ZNF341: variants seen among roughly 807,000 people sequenced by gnomAD.
ZNF341 encodes zinc finger protein 341.
A neutral mutation model predicts 87.7 loss-of-function variants in ZNF341; 52 were observed. The ratio of observed to expected loss-of-function variants is 0.59; its 90% CI spans 0.47 to 0.75. The LOEUF is 0.75. Ranked by LOEUF, ZNF341 falls within the 30% of genes least tolerant of loss-of-function variation. ZNF341 has a pLI of 0.00. For synonymous variants in ZNF341, 459 were observed against 472.7 expected, an observed-to-expected ratio of 0.97 and a Z score of 0.38; for missense variants, 977 against 1,145.9, an observed-to-expected ratio of 0.85 and a Z score of 2.13.
intron 12 of ZNF341, among the ~76,000 whole-genome samples, chr20:33,784,661 G>T (rs2019817570): frequency 6.6e-6 from 1 of 150,974 alleles, no homozygotes; most frequent in Non-Finnish European, 1.5e-5. Flanking sequence ...TGTTGCCCAG[G>T]CTGGAGTGCG....
intron 1 of ZNF341, among the ~76,000 whole-genome samples, chr20:33,736,176 A>ACCATTTCCTAC (rs1481884148): frequency 6.9e-6 from 1 of 145,182 alleles, no homozygotes; most frequent in African/African-American, 2.5e-5. Context: ...GTTCTTCTGA[A>ACCATTTCCTAC]CCATTTCCTA....
rs778731261 is a variant in ZNF341 at position 33,791,102 on chromosome 20, C to T, written c.2150C>T (p.Ala717Val). 5.6e-6 allele frequency: 9 copies of T among 1,612,978 alleles called. No individual in the cohort carries two copies. Among genetic ancestry groups the T allele is most frequent in the South Asian group, 5.5e-5 (5 of 91,092 alleles). The change falls in exon 15 of 15, where the codon GCC becomes GTC. Residue 717 changes from alanine (A) to valine (V), a missense_variant. Physicochemically the swap from Ala to Val is moderately conservative, Grantham distance 64. This residue lies in a region of ZNF341 where 221 missense variants were observed against 212.7 expected (regional missense o/e 1.04). Transcript: ENST00000375200. Reference protein sequence around the residue: ...GNYKFRCAGCAKGFSRHKYLK... With the variant: ...GNYKFRCAGCVKGFSRHKYLK... ...TACAAGTTCCGCTGTGCTGGCTGCG[C>T]CAAGGGCTTTTCCCGCCACAAATAC...
At chr20:33,734,616 G>C (rs1290461591) in intron 1 of ZNF341, among the ~76,000 whole-genome samples, 2 of 152,156 alleles carry the variant, frequency 1.3e-5, no homozygotes, top group Non-Finnish European at 2.9e-5. Flanking sequence ...AGGGTGCCCT[G>C]GTGCCCTGTT....
chr20:33,765,436 TG>T (rs2019384051), intron 8 of ZNF341, among the ~76,000 whole-genome samples: 1 of 151,366 alleles, frequency 6.6e-6, no homozygotes, highest in Admixed American at 6.6e-5. Flanking sequence ...TGGAGTGCAA[TG>T]GCATGATGGT....
At chr20:33,746,350 C>T (rs1308173319) in intron 3 of ZNF341, among the ~76,000 whole-genome samples, 1 of 151,070 alleles carries the variant, frequency 6.6e-6, no homozygotes, top group Admixed American at 6.6e-5. Flanking sequence ...TCTCCTGCCT[C>T]AGCCTCCAGA....
chr20:33,785,802 G>T (rs1225133950), intron 12 of ZNF341, among the ~76,000 whole-genome samples: 1 of 152,090 alleles, frequency 6.6e-6, no homozygotes, highest in East Asian at 1.9e-4. Context: ...TTGCAAAAAT[G>T]AGCACATACT....
At chr20:33,746,318 C>T (rs1313007480) in intron 3 of ZNF341, among the ~76,000 whole-genome samples, 18 of 148,708 alleles carry the variant, frequency 1.2e-4, no homozygotes, top group Non-Finnish European at 5.9e-5. Flanking sequence ...ACTGCAACCT[C>T]CGCCTCCTGG....
In ZNF341 at chr20:33,788,954, G is replaced by A. The variant is rs753689794; in HGVS notation, c.1944G>A (p.Lys648=). The change falls in exon 13 of 15, where the codon AAG becomes AAA. Residue 648 remains lysine, a synonymous_variant. Coordinates refer to ENST00000375200, the MANE Select transcript of ZNF341 (RefSeq NM_001282933.2). The stretch of plus-strand genomic sequence containing the variant: ...ACATGTTGATCCACGAGCCCTTCAA[G>A]AAATACAAATGCCCTTTCTCGTGAG... ...KRHMLIHEPF[K]KYKCPFSTHT... is the part of the protein sequence containing the mutation. 1 of 1,612,494 alleles carries A rather than the reference G, an allele frequency of 6.2e-7. No homozygotes were observed. The highest frequency in any genetic ancestry group is 1.1e-5 in the South Asian group (1 of 91,068).
At chr20:33,745,423 G>A (rs1283992614) in intron 3 of ZNF341, 124 bp downstream of exon 3, 10 of 941,396 alleles carry the variant, frequency 1.1e-5, no homozygotes, top group Non-Finnish European at 1.4e-5. Flanking sequence ...TGTGGAGTGG[G>A]GCGAGATGGA....
Position 33,758,774 on chromosome 20 carries a change from C to CA in ZNF341, c.1001dup (p.Asn334LysfsTer3), listed in dbSNP as rs1178791189. 1.2e-6 allele frequency: 2 copies of CA among 1,613,842 alleles called. No homozygotes were observed. Among genetic ancestry groups the CA allele is most frequent in the Non-Finnish European group, 1.7e-6 (2 of 1,179,970 alleles). On this transcript the variant is annotated frameshift_variant, in exon 7 of 15. Coordinates refer to ENST00000375200, the MANE Select transcript of ZNF341 (RefSeq NM_001282933.2). LOFTEE classifies it high-confidence loss of function. ...GCTCATACTGTGACAAGTCATTCAC[C>CA]AAAAACTTTGACCTGCAGCAGCACA...
At chr20:33,754,463 G>A (rs1175392446) in intron 5 of ZNF341, among the ~76,000 whole-genome samples, 2 of 152,170 alleles carry the variant, frequency 1.3e-5, no homozygotes, top group African/African-American at 4.8e-5. Flanking sequence ...GTCTCTTTAT[G>A]TAAAGAGAGC....
rs555966050 is a variant in ZNF341 at position 33,788,974 on chromosome 20, C to T, written c.1964C>T (p.Ser655Leu). 6 of 1,609,900 alleles carry T rather than the reference C, an allele frequency of 3.7e-6. No homozygotes were observed. Among genetic ancestry groups the T allele is most frequent in the Middle Eastern group, 1.7e-4 (1 of 6,054 alleles). ...TTCAAGAAATACAAATGCCCTTTCT[C>T]GTGAGTAGAGACTGCCATGCAGGGG... is the stretch of plus-strand genomic sequence containing the variant. Reference protein sequence around the residue: ...EPFKKYKCPFSTHTGCSKEFN... With the variant: ...EPFKKYKCPFLTHTGCSKEFN... The change falls in exon 13 of 15, where the codon TCG becomes TTG. Residue 655 changes from serine (S) to leucine (L), a missense_variant and splice_region_variant. Ser to Leu is a moderately radical substitution (Grantham distance 145, BLOSUM62 -2). This residue lies in a region of ZNF341 where 241 missense variants were observed against 335.0 expected (regional missense o/e 0.72). Coordinates refer to ENST00000375200, the MANE Select transcript of ZNF341 (RefSeq NM_001282933.2).
At position 33,731,996 on chromosome 20, in the gene ZNF341, G is replaced by C; in HGVS notation, c.-26G>C. The stretch of plus-strand genomic sequence containing the variant: ...CTCGCGTAGCCGGGCTTCGGTTCCT[G>C]TGGCGGCGACGGCGGCGGCTCCAAG... On this transcript the variant is annotated 5_prime_UTR_variant, in exon 1 of 15. Coordinates refer to ENST00000375200, the MANE Select transcript of ZNF341 (RefSeq NM_001282933.2). 6.9e-7 allele frequency: 1 copy of C among 1,442,678 alleles called. No individual in the cohort carries two copies. The highest frequency in any genetic ancestry group is 9.1e-7 in the Non-Finnish European group (1 of 1,093,350). 89.4% of individuals were successfully genotyped at this position (1,442,678 alleles called of 1,614,324 possible). A position where few individuals can be genotyped will look rare whatever the true frequency, so the allele number is the denominator to read the frequency against.
At chr20:33,750,948 AT>A (rs1327042717) in intron 4 of ZNF341, among the ~76,000 whole-genome samples, 2 of 150,460 alleles carry the variant, frequency 1.3e-5, no homozygotes, top group African/African-American at 4.9e-5. Flanking sequence ...GCCTAAAAAA[AT>A]TTTTTTTTAG....
chr20:33,752,300 T>A, intron 4 of ZNF341: 1 of 606,116 alleles, frequency 1.6e-6, no homozygotes, highest in Non-Finnish European at 3.2e-6. Context: ...ACGGATGCAG[T>A]ATGGGACATT....
chr20:33,781,990 G>A (rs1216648234), intron 11 of ZNF341, among the ~76,000 whole-genome samples: 3 of 151,838 alleles, frequency 2.0e-5, no homozygotes, highest in African/African-American at 4.8e-5. Context: ...TAAATTTTTT[G>A]TAGAGATAGG....
At chr20:33,753,495 C>T (rs1471757310) in intron 5 of ZNF341, 72 bp downstream of exon 5, 1 of 1,462,044 alleles carries the variant, frequency 6.8e-7, no homozygotes, top group Non-Finnish European at 9.0e-7. Context: ...CCATCCTGAG[C>T]ACCAGCTGTG....
At chr20:33,747,483 C>A (rs753193235) in intron 3 of ZNF341, among the ~76,000 whole-genome samples, 2 of 143,156 alleles carry the variant, frequency 1.4e-5, no homozygotes, top group Non-Finnish European at 3.0e-5. Context: ...GGCGTAGTGG[C>A]GGGCGCCTGT....
intron 3 of ZNF341, among the ~76,000 whole-genome samples, chr20:33,747,966 T>A (rs2018967969): frequency 6.6e-6 from 1 of 152,182 alleles, no homozygotes; most frequent in Non-Finnish European, 1.5e-5. Flanking sequence ...AGTGCTGGAA[T>A]TACAGGCATG....
Sources: gnomAD v4.1 joint callset for allele counts (sites outside exome capture counted in the v4.1 genomes callset) on GRCh38, gnomAD v4.1.1 for gene constraint, gnomAD v4.1.1 regional missense constraint, MANE v1.5 for transcripts, NCBI Gene and HGNC (gene_info 2026-07-23, HGNC 2026-07-21) for gene names.